The following ABCA13 variants were observed in gnomAD, a reference collection of about 807,000 sequenced individuals.
The protein encoded by ABCA13 is ATP binding cassette subfamily A member 13.
In ABCA13, 476 loss-of-function variants were observed where a neutral mutation model predicts 478.7. That is an observed-to-expected ratio of 0.99 (90% CI 0.92 to 1.07). The LOEUF (loss-of-function observed/expected upper bound fraction) is 1.07. Ranked by LOEUF, ABCA13 falls within the 50% of genes least tolerant of loss-of-function variation. The pLI is 0.00. For missense variants in ABCA13, 6,060 were observed against 5,910.6 expected (o/e 1.03, Z -0.83); for synonymous variants, 2,252 against 2,158.9 (o/e 1.04, Z -1.20).
intron 55 of ABCA13, among the ~76,000 whole-genome samples, chr7:48,548,118 A>G (rs28367235): frequency 6.6e-6 from 1 of 151,924 alleles, no homozygotes; most frequent in Non-Finnish European, 1.5e-5. Context: ...TATCTTCTGT[A>G]TATAACAAAC....
At chr7:48,557,087 G>GT (rs1333993479) in intron 55 of ABCA13, among the ~76,000 whole-genome samples, 2 of 151,964 alleles carry the variant, frequency 1.3e-5, no homozygotes, top group Non-Finnish European at 2.9e-5. Flanking sequence ...AAAACTCTAG[G>GT]TTTTAATCTT....
intron 48 of ABCA13, among the ~76,000 whole-genome samples, chr7:48,489,701 C>A (rs1829671545): frequency 6.6e-6 from 1 of 152,162 alleles, no homozygotes; most frequent in African/African-American, 2.4e-5. Context: ...ATAGAGAATA[C>A]AGACTGTCCC....
chr7:48,616,966 C>T (rs1262791238), intron 59 of ABCA13, among the ~76,000 whole-genome samples: 1 of 152,030 alleles, frequency 6.6e-6, no homozygotes, highest in Non-Finnish European at 1.5e-5. Context: ...TCCAAGAGAT[C>T]GAGGCTGCAG....
intron 43 of ABCA13, among the ~76,000 whole-genome samples, chr7:48,462,745 G>C (rs748558237): frequency 6.6e-6 from 1 of 152,130 alleles, no homozygotes; most frequent in Non-Finnish European, 1.5e-5. Context: ...CTGACCTTAG[G>C]TTATCTGCCG....
intron 39 of ABCA13, among the ~76,000 whole-genome samples, chr7:48,407,808 C>T (rs1585189095): frequency 2.0e-5 from 3 of 151,954 alleles, no homozygotes; most frequent in South Asian, 2.1e-4. Context: ...TCCACCACCT[C>T]GGCCTCCCAA....
chr7:48,235,911 G>A (rs992105404), intron 8 of ABCA13, among the ~76,000 whole-genome samples: 7 of 152,056 alleles, frequency 4.6e-5, no homozygotes, highest in Admixed American at 4.6e-4. Flanking sequence ...AATAAGCTTT[G>A]TGTTAGATTA....
chr7:48,295,622 T>C lies in ABCA13; in HGVS notation c.8956-78T>C, dbSNP rs1022359744. The C allele has an allele frequency of 1.9e-6, 3 of 1,552,902 alleles. No homozygotes were observed. The African/African-American group carries it at 4.1e-5, about 21-fold the overall frequency. ...TGACATGATTGTTCTCTGTGTTTCC[T>C]GAGACTAATGAGAATAAATCAAAAT... On this transcript the variant is annotated intron_variant, in intron 20 of 61. Transcript: ENST00000435803.
In ABCA13 at chr7:48,310,052, G is replaced by A; in HGVS notation, c.9427G>A (p.Glu3143Lys). ...AGGGGAAAAATCTTGGATCGCAGCG[G>A]AGGAACTCTGTAGCCTGCCAGGGTC... is the stretch of plus-strand genomic sequence containing the variant. ...PKGEKSWIAA[E>K]ELCSLPGSKV... The change falls in exon 24 of 62, where the codon GAG (glutamate) becomes AAG (lysine). Residue 3143 changes from glutamate to lysine, a missense_variant. Transcript: ENST00000435803. The A allele has an allele frequency of 6.2e-7, 1 of 1,613,954 alleles. No individual in the cohort carries two copies. The highest frequency in any genetic ancestry group is 8.5e-7 in the Non-Finnish European group (1 of 1,179,828).
In ABCA13 at chr7:48,271,901, G is replaced by A; in HGVS notation, c.2235G>A (p.Leu745=). The A allele has an allele frequency of 6.2e-7, 1 of 1,612,950 alleles. No individual in the cohort carries two copies. The highest frequency in any genetic ancestry group is 8.5e-7 in the Non-Finnish European group (1 of 1,179,378). Residue 745 remains leucine, a synonymous_variant, in exon 17 of 62, where the codon TTG becomes TTA. Coordinates refer to ENST00000435803, the MANE Select transcript of ABCA13 (RefSeq NM_152701.5). ...TGGAATTTTTTGAGAAATTATTGTT[G>A]CCTAATCTTTTTGACTCCTCCATTG... ...SFVEFFEKLL[L]PNLFDSSIVP...
chr7:48,194,560 A>C (rs1259454140), intron 2 of ABCA13, among the ~76,000 whole-genome samples: 2 of 152,180 alleles, frequency 1.3e-5, no homozygotes, highest in Non-Finnish European at 2.9e-5. Flanking sequence ...AACCTTAACA[A>C]CATCACTCCT....
intron 20 of ABCA13, among the ~76,000 whole-genome samples, chr7:48,292,817 TG>T (rs1240147766): frequency 6.6e-6 from 1 of 152,204 alleles, no homozygotes; most frequent in Non-Finnish European, 1.5e-5. Flanking sequence ...CTGCTGGTAG[TG>T]TTCCTGCACT....
chr7:48,556,944 G>T (rs987921109), intron 55 of ABCA13, among the ~76,000 whole-genome samples: 1 of 151,520 alleles, frequency 6.6e-6, no homozygotes, highest in African/African-American at 2.4e-5. Flanking sequence ...TTTTTATTTT[G>T]TTGTTTATCT....
chr7:48,396,816 G>A (rs1352628944), intron 38 of ABCA13, among the ~76,000 whole-genome samples: 1 of 152,186 alleles, frequency 6.6e-6, no homozygotes, highest in Admixed American at 6.5e-5. Flanking sequence ...AGTGGGGAAC[G>A]TGTGGATGAA....
intron 8 of ABCA13, 24 bp downstream of exon 8, chr7:48,234,175 A>C: frequency 1.4e-5 from 23 of 1,612,670 alleles, no homozygotes; most frequent in Non-Finnish European, 1.8e-5. Context: ...ACTGCTTCTC[A>C]CACCGCTGGG....
intron 40 of ABCA13, 120 bp downstream of exon 40, chr7:48,410,797 C>A: frequency 7.3e-7 from 1 of 1,370,428 alleles, no homozygotes; most frequent in Non-Finnish European, 9.9e-7. Context: ...CACAATGGCC[C>A]ACATGCCAAA....
At chr7:48,592,631 T>G (rs1168421718) in intron 57 of ABCA13, among the ~76,000 whole-genome samples, 1 of 151,904 alleles carries the variant, frequency 6.6e-6, no homozygotes, top group Non-Finnish European at 1.5e-5. Context: ...GTTTCCTTAT[T>G]GATTTTCTGA....
intron 1 of ABCA13, among the ~76,000 whole-genome samples, chr7:48,192,211 A>G (rs1584070333): frequency 6.6e-6 from 1 of 151,802 alleles, no homozygotes; most frequent in East Asian, 1.9e-4. Flanking sequence ...TCAAATGATT[A>G]AATTCCATGT....
chr7:48,492,607 G>A (rs1375021009), intron 48 of ABCA13, among the ~76,000 whole-genome samples: 2 of 152,136 alleles, frequency 1.3e-5, no homozygotes, highest in African/African-American at 4.8e-5. Flanking sequence ...GGGTCATGAG[G>A]CCTCCTCTGT....
rs760804302 is a variant in ABCA13 at position 48,310,017 on chromosome 7, C to T, written c.9392C>T (p.Thr3131Ile). The T allele has an allele frequency of 2.5e-6, 4 of 1,613,976 alleles. No individual in the cohort carries two copies. The highest frequency in any genetic ancestry group is 2.2e-5 in the South Asian group (2 of 91,086). Residue 3131 changes from threonine to isoleucine, a missense_variant, in exon 24 of 62, where the codon ACA becomes ATA. Thr to Ile is a moderately conservative substitution (Grantham distance 89). Around this residue, in one of 3 missense-constraint regions of ABCA13, gnomAD observed 4,423 missense variants for 4,309.1 expected, o/e 1.03. Coordinates refer to ENST00000435803, the MANE Select transcript of ABCA13 (RefSeq NM_152701.5). ...CAGGAAATCCTTCATCTCCTGCTGA[C>T]ATTTCCCAAAGGGGAAAAATCTTGG... ...CDQEILHLLL[T>I]FPKGEKSWIA...
Sources: gnomAD v4.1 joint callset for allele counts (sites outside exome capture counted in the v4.1 genomes callset) on GRCh38, gnomAD v4.1.1 for gene constraint, gnomAD v4.1.1 regional missense constraint, MANE v1.5 for transcripts, NCBI Gene and HGNC (gene_info 2026-07-23, HGNC 2026-07-21) for gene names.